The following RPH3A variants were observed in gnomAD, a reference collection of about 807,000 sequenced individuals.
RPH3A encodes the protein rabphilin-3A.
A neutral mutation model predicts 102.2 loss-of-function variants in RPH3A; 48 were observed. The observed-to-expected ratio is 0.47, with a 90% CI of 0.37 to 0.60. The LOEUF (loss-of-function observed/expected upper bound fraction) is 0.60, where lower values mean the gene tolerates loss of function less well. Ranked by LOEUF, RPH3A falls within the 20% of genes least tolerant of loss-of-function variation. RPH3A has a pLI of 0.00. For missense variants in RPH3A, 781 were observed against 910.1 expected (o/e 0.86, Z 1.83); for synonymous variants, 310 against 324.3 (o/e 0.96, Z 0.47).
Position 112,646,787 on chromosome 12 carries a change from G to A in RPH3A, c.-140+71468G>A, listed in dbSNP as rs537272721. ...GCCAGATGACACTTGAGGGGCCTGG[G>A]ACTCAACAGTGAACAAGACACACAG... On this transcript the variant is annotated intron_variant, in intron 1 of 21. Transcript: ENST00000543106. 5.7e-4 allele frequency among the ~76,000 whole-genome samples: 87 copies of A among 152,268 alleles called. 1 individual carries two copies. Among genetic ancestry groups the A allele is most frequent in the African/African-American group, 2.1e-3 (87 of 41,552 alleles).
intron 1 of RPH3A, among the ~76,000 whole-genome samples, chr12:112,703,792 A>G (rs948154025): frequency 1.3e-5 from 2 of 152,122 alleles, no homozygotes; most frequent in Non-Finnish European, 2.9e-5. Context: ...CCTAGCCCCA[A>G]ACTCCTTAGG....
chr12:112,861,911 G>T (rs2042520268), intron 5 of RPH3A, among the ~76,000 whole-genome samples: 1 of 151,488 alleles, frequency 6.6e-6, no homozygotes, highest in Non-Finnish European at 1.5e-5. Flanking sequence ...TACTTGGGAG[G>T]CTGAGGCAGG....
At chr12:112,808,513 G>A (rs2041511557) in intron 2 of RPH3A, among the ~76,000 whole-genome samples, 1 of 152,186 alleles carries the variant, frequency 6.6e-6, no homozygotes, top group African/African-American at 2.4e-5. Context: ...AAAGGGAAAG[G>A]CAACAAGCCC....
At chr12:112,798,131 T>C (rs766139112) in intron 2 of RPH3A, among the ~76,000 whole-genome samples, 12 of 152,260 alleles carry the variant, frequency 7.9e-5, no homozygotes, top group Non-Finnish European at 1.6e-4. Flanking sequence ...TTGGTTTTAA[T>C]GATATAACAC....
chr12:112,637,320 A>T (rs988836473), intron 1 of RPH3A, among the ~76,000 whole-genome samples: 1 of 152,204 alleles, frequency 6.6e-6, no homozygotes, highest in African/African-American at 2.4e-5. Flanking sequence ...GCAAAAGTAG[A>T]CAAAATAGTA....
intron 2 of RPH3A, among the ~76,000 whole-genome samples, chr12:112,827,655 T>C (rs914662901): frequency 6.6e-6 from 1 of 152,050 alleles, no homozygotes; most frequent in African/African-American, 2.4e-5. Flanking sequence ...GACAATACCA[T>C]TTTCTGATAG....
chr12:112,720,519 G>A (rs573485406), intron 1 of RPH3A, among the ~76,000 whole-genome samples: 45 of 152,232 alleles, frequency 3.0e-4, no homozygotes, highest in African/African-American at 1.1e-3. Flanking sequence ...GTAAATTATG[G>A]TGTTTGTGTC....
At chr12:112,633,058 G>A (rs1219751911) in intron 1 of RPH3A, among the ~76,000 whole-genome samples, 2 of 151,818 alleles carry the variant, frequency 1.3e-5, no homozygotes, top group African/African-American at 4.8e-5. Flanking sequence ...TGGGTGTGGT[G>A]GCACATGTCT....
At chr12:112,601,679 C>G (rs1047866505) in intron 1 of RPH3A, among the ~76,000 whole-genome samples, 1 of 152,126 alleles carries the variant, frequency 6.6e-6, no homozygotes. Context: ...TGCCTGTAAT[C>G]CCAGCACTTT....
rs900157888 is a variant in RPH3A, at chr12:112,682,879, A to G, written c.-140+107560A>G. Among the ~76,000 whole-genome samples, 18 of 152,196 alleles carry G rather than the reference A, an allele frequency of 1.2e-4. 1 individual carries two copies. Among genetic ancestry groups the G allele is most frequent in the Admixed American group, 9.8e-4 (15 of 15,276 alleles). On this transcript the variant is annotated intron_variant, in intron 1 of 21. Transcript: ENST00000543106. ...TCATACAAGCTGTATCACCTGCTTGAAATGCTGGTCTCCCACTCCTTATCT... is the reference window on the plus strand; with the variant it reads ...TCATACAAGCTGTATCACCTGCTTGGAATGCTGGTCTCCCACTCCTTATCT...
At chr12:112,627,330 A>T (rs1374696813) in intron 1 of RPH3A, among the ~76,000 whole-genome samples, 1 of 149,608 alleles carries the variant, frequency 6.7e-6, no homozygotes, top group East Asian at 1.9e-4. Context: ...TATAGTATTT[A>T]TTACCTGTCA....
At chr12:112,656,391 T>A (rs1224404343) in intron 1 of RPH3A, among the ~76,000 whole-genome samples, 1 of 152,188 alleles carries the variant, frequency 6.6e-6, no homozygotes, top group Non-Finnish European at 1.5e-5. Context: ...CTAAGCAAGG[T>A]TCTTAGTGTA....
At chr12:112,762,097 G>A (rs1024500673) in intron 1 of RPH3A, among the ~76,000 whole-genome samples, 13 of 152,258 alleles carry the variant, frequency 8.5e-5, no homozygotes, top group East Asian at 1.9e-4. Context: ...ACAATGCAGC[G>A]TCTGTCATAA....
rs973441446 is a variant in RPH3A at position 112,870,783 on chromosome 12, G to A, written c.796+744G>A. On this transcript the variant is annotated intron_variant, in intron 10 of 21. Transcript: ENST00000389385. ...TCTTATTGGCAACAGAGCTGGGCAC[G>A]TACCTTGTGCTTCATAATCTGCCCA... is the stretch of plus-strand genomic sequence containing the variant. Among the ~76,000 whole-genome samples, 5 of 152,244 alleles carry A rather than the reference G, an allele frequency of 3.3e-5. No individual in the cohort carries two copies. In the South Asian group the frequency reaches 8.3e-4, roughly 25 times the overall value.
At chr12:112,653,179 T>C (rs761713673) in intron 1 of RPH3A, among the ~76,000 whole-genome samples, 8 of 151,796 alleles carry the variant, frequency 5.3e-5, no homozygotes, top group Non-Finnish European at 1.2e-4. Flanking sequence ...TCACTTGAGG[T>C]CAGGAGTTCG....
intron 1 of RPH3A, among the ~76,000 whole-genome samples, chr12:112,632,791 C>A (rs987224191): frequency 6.6e-6 from 1 of 152,148 alleles, no homozygotes; most frequent in Non-Finnish European, 1.5e-5. Context: ...TCCTGTGTGA[C>A]TGGAGCATAG....
chr12:112,756,346 G>T (rs563146788), intron 1 of RPH3A, among the ~76,000 whole-genome samples: 1 of 152,142 alleles, frequency 6.6e-6, no homozygotes, highest in Admixed American at 6.5e-5. Context: ...CAAAGTAGCT[G>T]GGATTACAGG....
intron 1 of RPH3A, among the ~76,000 whole-genome samples, chr12:112,680,782 C>T (rs977052409): frequency 2.0e-5 from 3 of 152,154 alleles, no homozygotes; most frequent in African/African-American, 7.2e-5. Context: ...TCTCCCACAA[C>T]ATTCATCTCT....
In RPH3A at chr12:112,887,888, A is replaced by G; in HGVS notation, c.1528A>G (p.Lys510Glu). The change falls in exon 17 of 22, where the codon AAG (lysine) becomes GAG (glutamate). Residue 510 changes from lysine (K) to glutamate (E), a missense_variant. By Grantham distance (56) the Lys-to-Glu change is moderately conservative. Transcript: ENST00000389385. Reference protein sequence around the residue: ...SLKKLKPNQRKNFNICLERVI... With the variant: ...SLKKLKPNQRENFNICLERVI... Reference sequence around the variant, plus strand: ...CAAGAAACTGAAGCCCAACCAGAGGAAGAATTTCAACATCTGCCTGGAGCG... The same window carrying G: ...CAAGAAACTGAAGCCCAACCAGAGGGAGAATTTCAACATCTGCCTGGAGCG... 1 of 1,613,974 alleles carries G rather than the reference A, an allele frequency of 6.2e-7. No homozygotes were observed. Among genetic ancestry groups the G allele is most frequent in the Non-Finnish European group, 8.5e-7 (1 of 1,179,838 alleles).
Sources: allele counts gnomAD v4.1 joint callset (sites outside exome capture counted in the v4.1 genomes callset), GRCh38; gene constraint gnomAD v4.1.1; transcripts MANE v1.5; gene names NCBI Gene and HGNC (gene_info 2026-07-23, HGNC 2026-07-21).